The following COL16A1 variants were observed in gnomAD, a reference collection of about 807,000 sequenced individuals.
COL16A1 encodes the protein collagen type XVI alpha 1 chain, also known as collagen alpha-1(XVI) chain.
Under a neutral mutation model 266.3 loss-of-function variants are expected in COL16A1, and 189 were observed. The ratio of observed to expected loss-of-function variants is 0.71; its 90% CI spans 0.63 to 0.80. The LOEUF is 0.80. Among genes scored for constraint, COL16A1 ranks in the 30% least tolerant of loss-of-function variants. The pLI is 0.00. For synonymous variants in COL16A1, 740 were observed against 782.3 expected (o/e 0.95, Z 0.90); for missense variants, 1,928 against 2,122.4 (o/e 0.91, Z 1.80).
rs373835421 is a variant in COL16A1, at chr1:31,686,033, G to A, written c.1884+58C>T. 6.4e-4 allele frequency: 1,028 copies of A among 1,604,590 alleles called. 1 individual carries two copies. Among genetic ancestry groups the A allele is most frequent in the Middle Eastern group, 1.9e-3 (11 of 5,806 alleles). ...CAGAGGGTTCGAAGTCGAGCAAGAC[G>A]AGTGTCTATCTAGGAAGCTCACCCA... On this transcript the variant is annotated intron_variant, in intron 28 of 70. Coordinates refer to ENST00000373672, the MANE Select transcript of COL16A1 (RefSeq NM_001856.4).
intron 26 of COL16A1, among the ~76,000 whole-genome samples, chr1:31,687,934 C>T (rs967035650): frequency 9.9e-5 from 15 of 152,162 alleles, no homozygotes; most frequent in African/African-American, 2.9e-4. Context: ...TAAATAGATA[C>T]GTTAACACAG....
At chr1:31,658,122 A>G (rs1274655655) in intron 64 of COL16A1, among the ~76,000 whole-genome samples, 74 of 152,376 alleles carry the variant, frequency 4.9e-4, no homozygotes, top group Admixed American at 4.8e-3. Context: ...CGAGGACCTC[A>G]GGAAGTTACA....
At position 31,652,575 on chromosome 1, in the gene COL16A1, A is replaced by C; in HGVS notation, c.*76T>G. 1 of 1,363,274 alleles carries C rather than the reference A, an allele frequency of 7.3e-7. No individual in the cohort carries two copies. Among genetic ancestry groups the C allele is most frequent in the Non-Finnish European group, 9.6e-7 (1 of 1,043,196 alleles). The allele number at this position is 1,363,274 out of a possible 1,614,324, so 84.4% of individuals were successfully genotyped here. On this transcript the variant is annotated 3_prime_UTR_variant, in exon 71 of 71. Transcript: ENST00000373672. The surrounding 1 kb of genome is among the most constrained non-coding windows in gnomAD (Gnocchi z 4.8). Reference sequence around the variant, plus strand: ...CAACAACAACAAAAAAAACATTCACAACCTGTCACAGAGTCCTATAAGCTT... The same window carrying C: ...CAACAACAACAAAAAAAACATTCACCACCTGTCACAGAGTCCTATAAGCTT...
Position 31,672,609 on chromosome 1 carries a change from G to C in COL16A1, c.3005C>G (p.Ala1002Gly), listed in dbSNP as rs1642825063. Residue 1002 changes from alanine to glycine, a missense_variant, in exon 46 of 71, where the codon GCC (alanine) becomes GGC (glycine). This residue lies in a region of COL16A1 where 1,552 missense variants were observed against 1,637.2 expected (regional missense o/e 0.95). Transcript: ENST00000373672. ...QCFLSLERPRAEEARGDNSEG... is the reference protein window; with the variant it reads ...QCFLSLERPRGEEARGDNSEG... The stretch of plus-strand genomic sequence containing the variant: ...CGAGGCACTCACCCGGGCCTCCTCG[G>C]CTCTTGGGCGCTCCAGTGACAAAAA... 1 of 1,605,374 alleles carries C rather than the reference G, an allele frequency of 6.2e-7. No individual in the cohort carries two copies. Among genetic ancestry groups the C allele is most frequent in the Admixed American group, 1.7e-5 (1 of 59,498 alleles).
intron 51 of COL16A1, among the ~76,000 whole-genome samples, chr1:31,667,936 G>T (rs925433408): frequency 3.3e-5 from 5 of 152,212 alleles, no homozygotes; most frequent in Non-Finnish European, 5.9e-5. Flanking sequence ...TCTGGGCCTG[G>T]CAGAGTGCTC....
chr1:31,661,201 C>T, intron 60 of COL16A1, 82 bp from the exon 61 acceptor site: 1 of 1,506,686 alleles, frequency 6.6e-7, no homozygotes. Context: ...TCAGAGGGAC[C>T]CTGCCACCTG....
rs771071649 is a variant in COL16A1, at chr1:31,683,197, G to A, written c.2466C>T (p.Ala822=). The change falls in exon 36 of 71, where the codon GCC becomes GCT. Residue 822 remains alanine (A), a synonymous_variant. Transcript: ENST00000373672. ...GPPGPTGEKG[A]QGSPGVKGAT... The stretch of plus-strand genomic sequence containing the variant: ...ACCCATGGAGGCAGAGGCTCACCTG[G>A]GCACCCTTCTCTCCAGTGGGGCCAG... 4 of 1,614,004 alleles carry A rather than the reference G, an allele frequency of 2.5e-6. No individual in the cohort carries two copies. The highest frequency in any genetic ancestry group is 2.5e-6 in the Non-Finnish European group (3 of 1,180,018).
chr1:31,672,894 G>T, intron 44 of COL16A1, 54 bp from the exon 45 acceptor site: 1 of 1,544,486 alleles, frequency 6.5e-7, no homozygotes, highest in Admixed American at 1.8e-5. Flanking sequence ...GGGCAGGATG[G>T]GCCAACTGGG....
At chr1:31,678,855 C>G (rs570764525) in intron 42 of COL16A1, among the ~76,000 whole-genome samples, 1 of 152,316 alleles carries the variant, frequency 6.6e-6, no homozygotes, top group Non-Finnish European at 1.5e-5. Flanking sequence ...GTTCAGGCTG[C>G]CTGCCTCTGG....
Position 31,668,193 on chromosome 1 carries a change from G to C in COL16A1, c.3275C>G (p.Pro1092Arg). The C allele has an allele frequency of 6.2e-7, 1 of 1,612,748 alleles. No individual in the cohort carries two copies. Among genetic ancestry groups the C allele is most frequent in the Non-Finnish European group, 8.5e-7 (1 of 1,179,368 alleles). The change falls in exon 51 of 71, where the codon CCA becomes CGA. Residue 1092 changes from proline (P) to arginine (R), a missense_variant. Physicochemically the swap from Pro to Arg is moderately radical, Grantham distance 103. Around this residue, in one of 2 missense-constraint regions of COL16A1, gnomAD observed 1,552 missense variants for 1,637.2 expected, o/e 0.95. Coordinates refer to ENST00000373672, the MANE Select transcript of COL16A1 (RefSeq NM_001856.4). The surrounding 1 kb of genome is among the most constrained non-coding windows in gnomAD (Gnocchi z 5.8). ...CAGTCCTGGGGGGCCCGTGGCACCT[G>C]GGTAACCTGGTTGCCCTGGAGGACC... ...EPGPPGQPGY[P>R]GATGPPGLPG... is the part of the protein sequence containing the mutation.
intron 42 of COL16A1, among the ~76,000 whole-genome samples, chr1:31,676,795 G>A (rs1314205589): frequency 6.6e-6 from 1 of 152,268 alleles, no homozygotes; most frequent in East Asian, 1.9e-4. Flanking sequence ...ACATGGAGGA[G>A]ATGTGCAGTA....
intron 2 of COL16A1, chr1:31,701,557 C>A: frequency 1.0e-6 from 1 of 985,364 alleles, no homozygotes; most frequent in Middle Eastern, 5.2e-4. Context: ...TGGCTTTGGG[C>A]CCTGGAAAGC....
chr1:31,703,061 G>C (rs1644776578), intron 1 of COL16A1, among the ~76,000 whole-genome samples: 1 of 152,094 alleles, frequency 6.6e-6, no homozygotes, highest in African/African-American at 2.4e-5. Flanking sequence ...CAGATGCGCA[G>C]GTACATGTAC....
intron 28 of COL16A1, 28 bp downstream of exon 28, chr1:31,686,063 G>A: frequency 6.2e-7 from 1 of 1,613,184 alleles, no homozygotes; most frequent in Non-Finnish European, 8.5e-7. Flanking sequence ...CACCCAGGCT[G>A]CAGCACGGAG....
At chr1:31,687,156 T>C (rs1644018695) in intron 26 of COL16A1, among the ~76,000 whole-genome samples, 1 of 150,870 alleles carries the variant, frequency 6.6e-6, no homozygotes, top group Admixed American at 6.6e-5. Context: ...CCAAGGAGGG[T>C]AGATCGCTTG....
rs753779891 is a variant in COL16A1, at chr1:31,675,215, G to T, written c.2826+43C>A. 49 of 1,614,030 alleles carry T rather than the reference G, an allele frequency of 3.0e-5. No homozygotes were observed. The East Asian group carries it at 1.1e-3, about 35-fold the overall frequency. ...TCATAGCCTGAGCAGCCCTGGGAAG[G>T]GCAGGGAAGGGGCATGCACAGGGAG... is the stretch of plus-strand genomic sequence containing the variant. On this transcript the variant is annotated intron_variant, in intron 43 of 70. Coordinates refer to ENST00000373672, the MANE Select transcript of COL16A1 (RefSeq NM_001856.4).
In COL16A1 at chr1:31,670,538, A is replaced by G; in HGVS notation, c.3195+64T>C. ...GTGAAGGCACGACAGGAGGGAGACA[A>G]GCAAAAGCCACAGAGACCTGGCTGA... On this transcript the variant is annotated intron_variant, in intron 49 of 70. Transcript: ENST00000373672. This position sits in a 1 kb window ranked among gnomAD's most constrained non-coding sequence, Gnocchi z 4.5. The G allele has an allele frequency of 7.5e-7, 1 of 1,328,234 alleles. No homozygotes were observed. Among genetic ancestry groups the G allele is most frequent in the Non-Finnish European group, 9.7e-7 (1 of 1,032,946 alleles). 82.3% of individuals were successfully genotyped at this position (1,328,234 alleles called of 1,614,324 possible).
chr1:31,657,009 CAG>C lies in COL16A1; in HGVS notation c.4056+22_4056+23del, dbSNP rs1641225657. 6.2e-7 allele frequency: 1 copy of C among 1,613,978 alleles called. No individual in the cohort carries two copies. Among genetic ancestry groups the C allele is most frequent in the Non-Finnish European group, 8.5e-7 (1 of 1,179,998 alleles). On this transcript the variant is annotated intron_variant, in intron 65 of 70. Coordinates refer to ENST00000373672, the MANE Select transcript of COL16A1 (RefSeq NM_001856.4). The surrounding 1 kb of genome is among the most constrained non-coding windows in gnomAD (Gnocchi z 6.4). The stretch of plus-strand genomic sequence containing the variant: ...GGAGCAAGAAGCACCCCCAAGGAAA[CAG>C]AGAAGACCAGTACAACTGTACCTCT...
At chr1:31,665,493 G>A (rs1642048899) in intron 55 of COL16A1, 90 bp downstream of exon 55, 1 of 1,609,380 alleles carries the variant, frequency 6.2e-7, no homozygotes, top group Admixed American at 1.7e-5. Context: ...TTCTCCCCAG[G>A]ACCATCCTAC....
Sources: allele counts gnomAD v4.1 joint callset (sites outside exome capture counted in the v4.1 genomes callset), GRCh38; gene constraint gnomAD v4.1.1; regional missense constraint gnomAD v4.1.1; non-coding constraint Gnocchi (gnomAD v3.1); transcripts MANE v1.5; gene names NCBI Gene and HGNC (gene_info 2026-07-23, HGNC 2026-07-21).